The following HMCN1 variants were observed in gnomAD, a reference collection of about 807,000 sequenced individuals.
HMCN1 encodes the protein hemicentin-1.
HMCN1 carries 321 observed loss-of-function variants against 625.9 expected under a neutral mutation model. The observed-to-expected ratio is 0.51, with a 90% CI of 0.47 to 0.56. HMCN1 has a LOEUF of 0.56. Ranked by LOEUF, HMCN1 falls within the 20% of genes least tolerant of loss-of-function variation. HMCN1 has a pLI of 0.00. For synonymous variants in HMCN1, 2,425 were observed against 2,417.6 expected (o/e 1.00, Z -0.09); for missense variants, 6,588 against 6,887.3 (o/e 0.96, Z 1.54).
chr1:186,051,777 T>A (rs1469933491), intron 42 of HMCN1, among the ~76,000 whole-genome samples: 1 of 151,972 alleles, frequency 6.6e-6, no homozygotes, highest in Non-Finnish European at 1.5e-5. Flanking sequence ...AACAGAAGAA[T>A]AGGCAGCTGG....
chr1:186,166,710 A>G, intron 99 of HMCN1, 98 bp from the exon 100 acceptor site: 1 of 1,555,836 alleles, frequency 6.4e-7, no homozygotes, highest in South Asian at 1.1e-5. Flanking sequence ...TTCTAGTTTC[A>G]AGGGTCCTTC....
At chr1:186,153,583 A>T (rs185212634) in intron 96 of HMCN1, among the ~76,000 whole-genome samples, 167 bp from the exon 97 acceptor site, 100 of 152,326 alleles carry the variant, frequency 6.6e-4, no homozygotes, top group African/African-American at 2.2e-3. Context: ...ATAGGTATTA[A>T]ATTAGGATTA....
At chr1:185,910,350 C>T (rs946958695) in intron 5 of HMCN1, among the ~76,000 whole-genome samples, 11 of 152,052 alleles carry the variant, frequency 7.2e-5, no homozygotes, top group African/African-American at 2.4e-4. Context: ...AAGACTTATA[C>T]AAGTTTGAGC....
chr1:185,896,829 AC>A (rs1665519860), intron 4 of HMCN1, among the ~76,000 whole-genome samples: 1 of 152,238 alleles, frequency 6.6e-6, no homozygotes, highest in Admixed American at 6.5e-5. Context: ...TTGTAGGTAT[AC>A]TATAACTTAA....
intron 56 of HMCN1, 49 bp downstream of exon 56, chr1:186,081,443 C>A: frequency 7.5e-7 from 1 of 1,335,118 alleles, no homozygotes; most frequent in Non-Finnish European, 1.1e-6. Flanking sequence ...TGACTTTGCA[C>A]TTTGTAATAA....
chr1:186,102,028 T>A (rs1459216724), intron 68 of HMCN1, among the ~76,000 whole-genome samples: 1 of 152,088 alleles, frequency 6.6e-6, no homozygotes, highest in Non-Finnish European at 1.5e-5. Flanking sequence ...ACGAAGCTTG[T>A]TGAGAGATTT....
At chr1:185,875,106 T>C (rs1255984954) in intron 4 of HMCN1, among the ~76,000 whole-genome samples, 2 of 151,984 alleles carry the variant, frequency 1.3e-5, no homozygotes, top group Non-Finnish European at 2.9e-5. Flanking sequence ...AATATATTCA[T>C]TTACATTTAT....
At chr1:185,941,454 A>G (rs1351961640) in intron 11 of HMCN1, among the ~76,000 whole-genome samples, 1 of 152,228 alleles carries the variant, frequency 6.6e-6, no homozygotes, top group Non-Finnish European at 1.5e-5. Context: ...CTGTACAAAC[A>G]TTCATATTTG....
In HMCN1 at chr1:186,189,700, C is replaced by G; in HGVS notation, c.16730C>G (p.Thr5577Ser). Residue 5577 changes from threonine (T) to serine (S), a missense_variant, in exon 107 of 107, where the codon ACT (threonine) becomes AGT (serine). This residue lies in a region of HMCN1 where 1,954 missense variants were observed against 2,013.1 expected (regional missense o/e 0.97). Coordinates refer to ENST00000271588, the MANE Select transcript of HMCN1 (RefSeq NM_031935.3). The part of the protein sequence containing the change: ...TTFLMVDEEQ[T>S]VPFALRDENL... ...TTCCTCATGGTAGATGAGGAACAGA[C>G]TGTTCCTTTTGCCTTGAGGGATGAA... 6.2e-7 allele frequency: 1 copy of G among 1,613,366 alleles called. No homozygotes were observed. The highest frequency in any genetic ancestry group is 8.5e-7 in the Non-Finnish European group (1 of 1,179,516).
At chr1:185,932,875 A>G (rs1195141580) in intron 10 of HMCN1, among the ~76,000 whole-genome samples, 1 of 152,146 alleles carries the variant, frequency 6.6e-6, no homozygotes, top group Non-Finnish European at 1.5e-5. Flanking sequence ...AACTAGAGAA[A>G]CATGTGATTC....
At chr1:185,961,295 A>G (rs976741895) in intron 11 of HMCN1, among the ~76,000 whole-genome samples, 1 of 152,200 alleles carries the variant, frequency 6.6e-6, no homozygotes, top group Non-Finnish European at 1.5e-5. Context: ...AGACTAACTT[A>G]CAGGAAAGAT....
chr1:186,159,852 T>C (rs1353516752), intron 97 of HMCN1, among the ~76,000 whole-genome samples: 1 of 152,260 alleles, frequency 6.6e-6, no homozygotes, highest in African/African-American at 2.4e-5. Context: ...TTTGCATCAA[T>C]GTTCATCAAG....
At position 186,070,716 on chromosome 1, in the gene HMCN1, G is replaced by A. The variant is rs780455479; in HGVS notation, c.8098G>A (p.Ala2700Thr). The A allele has an allele frequency of 3.0e-5, 49 of 1,613,890 alleles. No individual in the cohort carries two copies. Among genetic ancestry groups the A allele is most frequent in the Non-Finnish European group, 3.9e-5 (46 of 1,179,836 alleles). The change falls in exon 52 of 107, where the codon GCA (alanine) becomes ACA (threonine). Residue 2700 changes from alanine (A) to threonine (T), a missense_variant. Physicochemically the swap from Ala to Thr is moderately conservative, Grantham distance 58. This residue lies in a region of HMCN1 where 4,628 missense variants were observed against 4,853.1 expected (regional missense o/e 0.95). Transcript: ENST00000271588. ...TCTGACCTTGGAATGTGAAGCGTAT[G>A]CAATTCCTTCTGCCTCCCTCAGCTG... ...NTLTLECEAY[A>T]IPSASLSWYK...
intron 105 of HMCN1, among the ~76,000 whole-genome samples, chr1:186,183,440 G>T (rs552017880): frequency 6.6e-6 from 1 of 152,264 alleles, no homozygotes; most frequent in East Asian, 1.9e-4. Flanking sequence ...GAAACATGAA[G>T]TTGAGTAATA....
chr1:186,145,918 G>A lies in HMCN1; in HGVS notation c.14603G>A (p.Cys4868Tyr). The A allele has an allele frequency of 6.2e-7, 1 of 1,613,824 alleles. No individual in the cohort carries two copies. Among genetic ancestry groups the A allele is most frequent in the Non-Finnish European group, 8.5e-7 (1 of 1,179,950 alleles). Reference sequence around the variant, plus strand: ...GTGACCAGGTGCAATGTACAAGCATGTCCAGGTAAGCAACTAAATTGGACT... The same window carrying A: ...GTGACCAGGTGCAATGTACAAGCATATCCAGGTAAGCAACTAAATTGGACT... ...TQVTRCNVQACPGGPQRARGS... is the reference protein window; with the variant it reads ...TQVTRCNVQAYPGGPQRARGS... Residue 4868 changes from cysteine (C) to tyrosine (Y), a missense_variant, in exon 93 of 107, where the codon TGT becomes TAT. By Grantham distance (194) the Cys-to-Tyr change is radical. This residue lies in a region of HMCN1 where 1,954 missense variants were observed against 2,013.1 expected (regional missense o/e 0.97). Coordinates refer to ENST00000271588, the MANE Select transcript of HMCN1 (RefSeq NM_031935.3).
chr1:186,188,841 A>C (rs1653524047), intron 106 of HMCN1, among the ~76,000 whole-genome samples: 2 of 152,186 alleles, frequency 1.3e-5, no homozygotes, highest in Admixed American at 1.3e-4. Flanking sequence ...CAAAACCTCT[A>C]AAAATACTAT....
intron 1 of HMCN1, among the ~76,000 whole-genome samples, chr1:185,842,742 A>C (rs1376439280): frequency 6.6e-6 from 1 of 152,082 alleles, no homozygotes; most frequent in Non-Finnish European, 1.5e-5. Flanking sequence ...AAAAAAAAAA[A>C]AACTTTAAAA....
At position 186,174,564 on chromosome 1, in the gene HMCN1, T is replaced by G; in HGVS notation, c.15865T>G (p.Cys5289Gly). ...GTHQCRYNQI[C>G]ENTRGSYRCV... The stretch of plus-strand genomic sequence containing the variant: ...CCATCAGTGCAGATATAACCAGATA[T>G]GTGAGAATACAAGAGGCAGCTATCG... Residue 5289 changes from cysteine to glycine, a missense_variant, in exon 103 of 107, where the codon TGT (cysteine) becomes GGT (glycine). Cys to Gly is a radical substitution (Grantham distance 159, BLOSUM62 -3). Transcript: ENST00000271588. 6.2e-7 allele frequency: 1 copy of G among 1,613,790 alleles called. No individual in the cohort carries two copies. The highest frequency in any genetic ancestry group is 1.1e-5 in the South Asian group (1 of 91,074).
chr1:186,088,106 TTC>T (rs750390142), intron 61 of HMCN1, 37 bp from the exon 62 acceptor site: 4 of 1,604,304 alleles, frequency 2.5e-6, no homozygotes, highest in Middle Eastern at 1.7e-4. Context: ...AATGATTTTC[TTC>T]TGTTTTTTTG....
Sources: allele counts gnomAD v4.1 joint callset (sites outside exome capture counted in the v4.1 genomes callset), GRCh38; gene constraint gnomAD v4.1.1; regional missense constraint gnomAD v4.1.1; transcripts MANE v1.5; gene names NCBI Gene and HGNC (gene_info 2026-07-23, HGNC 2026-07-21).